The following TACR3 variants were observed in gnomAD, a reference collection of about 807,000 sequenced individuals.
The protein encoded by TACR3 is neuromedin-K receptor.
In TACR3, 34 loss-of-function variants were observed where a neutral mutation model predicts 35.0. That is an observed-to-expected ratio of 0.97 (90% CI 0.74 to 1.30). The LOEUF is 1.30. Among genes scored for constraint, TACR3 ranks in the 50% most tolerant of loss-of-function variants. The pLI, the probability that TACR3 is intolerant of heterozygous loss-of-function variation, is 0.00. For synonymous variants in TACR3, 233 were observed against 221.1 expected (o/e 1.05, Z -0.48); for missense variants, 558 against 591.7 (o/e 0.94, Z 0.59).
intron 3 of TACR3, among the ~76,000 whole-genome samples, chr4:103,637,713 CCTT>C (rs1348217324): frequency 2.0e-5 from 3 of 152,176 alleles, no homozygotes; most frequent in Non-Finnish European, 4.4e-5. Context: ...CCCAAAATCT[CCTT>C]AAGCTGATAA....
At chr4:103,706,320 GCTT>G (rs757515404) in intron 1 of TACR3, among the ~76,000 whole-genome samples, 30 of 152,184 alleles carry the variant, frequency 2.0e-4, no homozygotes, top group Non-Finnish European at 4.0e-4. Context: ...TGAATTATTT[GCTT>G]CTTTGAGTTT....
intron 1 of TACR3, among the ~76,000 whole-genome samples, chr4:103,661,173 T>A (rs1221275680): frequency 1.3e-5 from 2 of 152,078 alleles, no homozygotes; most frequent in African/African-American, 4.8e-5. Flanking sequence ...TAGATACTTA[T>A]GTGTTATATG....
At chr4:103,597,016 G>T (rs1319431161) in intron 3 of TACR3, among the ~76,000 whole-genome samples, 1 of 152,018 alleles carries the variant, frequency 6.6e-6, no homozygotes, top group East Asian at 1.9e-4. Flanking sequence ...GGACATTTGG[G>T]TTGGTTCCAA....
chr4:103,671,757 G>T (rs1340571986), intron 1 of TACR3, among the ~76,000 whole-genome samples: 1 of 151,898 alleles, frequency 6.6e-6, no homozygotes, highest in Non-Finnish European at 1.5e-5. Context: ...ATCTTTTGAT[G>T]TAGATCTTTA....
rs142222699 is a variant in TACR3, at chr4:103,625,120, C to A, written c.888+31074G>T. Among the ~76,000 whole-genome samples the A allele has an allele frequency of 9.2e-5, 14 of 152,154 alleles. No homozygotes were observed. In the East Asian group the frequency reaches 2.7e-3, roughly 29 times the overall value. ...AGACAAATTATCCTTTTGGACTCAT[C>A]TACAAAATCCTCAGTAAATTTACAT... On this transcript the variant is annotated intron_variant, in intron 3 of 4. Transcript: ENST00000304883.
At chr4:103,713,121 C>G (rs1284617811) in intron 1 of TACR3, among the ~76,000 whole-genome samples, 1 of 152,140 alleles carries the variant, frequency 6.6e-6, no homozygotes, top group Non-Finnish European at 1.5e-5. Flanking sequence ...CATCCCATTA[C>G]TGGGTATATA....
chr4:103,602,615 C>T (rs1724236085), intron 3 of TACR3, among the ~76,000 whole-genome samples: 1 of 152,156 alleles, frequency 6.6e-6, no homozygotes, highest in East Asian at 1.9e-4. Context: ...CAGACAGGAC[C>T]CTCAGCTGCA....
intron 1 of TACR3, among the ~76,000 whole-genome samples, chr4:103,716,963 T>G (rs1215194590): frequency 6.6e-6 from 1 of 152,146 alleles, no homozygotes; most frequent in Non-Finnish European, 1.5e-5. Context: ...CAGAAAGGTT[T>G]TCTTTAACTT....
chr4:103,649,600 T>C (rs753740527), intron 3 of TACR3, among the ~76,000 whole-genome samples: 2 of 152,104 alleles, frequency 1.3e-5, no homozygotes, highest in Non-Finnish European at 2.9e-5. Context: ...AATTCTTTCT[T>C]CTGTTTGATC....
Position 103,719,575 on chromosome 4 carries a change from G to A in TACR3, c.101C>T (p.Thr34Met), listed in dbSNP as rs1465522673. The change falls in exon 1 of 5, where the codon ACG becomes ATG. Residue 34 changes from threonine to methionine, a missense_variant. Thr to Met is a moderately conservative substitution (Grantham distance 81). Coordinates refer to ENST00000304883, the MANE Select transcript of TACR3 (RefSeq NM_001059.3). ...CAGCCACCCAGTCTCAACTGCCCCC[G>A]TGGCCGCCCCGGCAGCTAGCGAGGC... The part of the protein sequence containing the change: ...LTASLAAGAA[T>M]GAVETGWLQL... The A allele has an allele frequency of 1.9e-6, 3 of 1,610,142 alleles. No homozygotes were observed.
At chr4:103,653,314 A>T (rs997085659) in intron 3 of TACR3, among the ~76,000 whole-genome samples, 1 of 141,312 alleles carries the variant, frequency 7.1e-6, no homozygotes, top group African/African-American at 3.1e-5. Flanking sequence ...AGACAAAATT[A>T]AAAAAAAAAT....
chr4:103,603,085 C>T (rs116428607), intron 3 of TACR3, among the ~76,000 whole-genome samples: 2,490 of 152,334 alleles, frequency 0.016, 56 homozygotes, highest in African/African-American at 0.057. Context: ...ATACAACTAA[C>T]TCAGCAATGG....
chr4:103,603,214 C>T (rs1016355774), intron 3 of TACR3, among the ~76,000 whole-genome samples: 2 of 152,228 alleles, frequency 1.3e-5, no homozygotes, highest in Non-Finnish European at 2.9e-5. Context: ...GATATAATCT[C>T]CTGGTGTGCC....
chr4:103,620,966 G>C (rs116411190), intron 3 of TACR3, among the ~76,000 whole-genome samples: 2,150 of 152,316 alleles, frequency 0.014, 48 homozygotes, highest in African/African-American at 0.05. Flanking sequence ...CTTGAATTAT[G>C]TACCTTGTGA....
chr4:103,601,900 T>G (rs1049805028), intron 3 of TACR3, among the ~76,000 whole-genome samples: 2 of 152,166 alleles, frequency 1.3e-5, no homozygotes, highest in Admixed American at 6.5e-5. Context: ...CTTTGTGGTG[T>G]TCTCTGTATA....
intron 3 of TACR3, among the ~76,000 whole-genome samples, chr4:103,633,062 C>T (rs796926161): frequency 6.6e-6 from 1 of 151,732 alleles, no homozygotes; most frequent in African/African-American, 2.4e-5. Flanking sequence ...TTTTGTCCCT[C>T]TTACTGACAT....
intron 1 of TACR3, among the ~76,000 whole-genome samples, chr4:103,692,435 G>A (rs1275428506): frequency 2.0e-5 from 3 of 152,078 alleles, no homozygotes; most frequent in Non-Finnish European, 4.4e-5. Flanking sequence ...ATTAAGATGA[G>A]AAATAATCCA....
intron 3 of TACR3, among the ~76,000 whole-genome samples, chr4:103,635,117 CA>C (rs1725157895): frequency 6.6e-6 from 1 of 151,886 alleles, no homozygotes; most frequent in Non-Finnish European, 1.5e-5. Context: ...CACATATATG[CA>C]TATTTATATG....
chr4:103,647,395 G>GAGAAT (rs1685687539), intron 3 of TACR3, among the ~76,000 whole-genome samples: 1 of 151,828 alleles, frequency 6.6e-6, no homozygotes, highest in African/African-American at 2.4e-5. Context: ...TCTCAAATTG[G>GAGAAT]AATGTAAGCA....
Sources: gnomAD v4.1 joint callset for allele counts (sites outside exome capture counted in the v4.1 genomes callset) on GRCh38, gnomAD v4.1.1 for gene constraint, MANE v1.5 for transcripts, NCBI Gene and HGNC (gene_info 2026-07-23, HGNC 2026-07-21) for gene names.